Variants in PAK2 observed in about 807,000 individuals in gnomAD.
PAK2 encodes the protein p21 (RAC1) activated kinase 2.
In PAK2, 21 loss-of-function variants were observed where a neutral mutation model predicts 65.9. That is an observed-to-expected ratio of 0.32 (90% CI 0.23 to 0.46). PAK2 has a LOEUF of 0.46. Among genes scored for constraint, PAK2 ranks in the 20% least tolerant of loss-of-function variants. The pLI, the probability that PAK2 is intolerant of heterozygous loss-of-function variation, is 1.00. For missense variants in PAK2, 324 were observed against 642.6 expected (o/e 0.50, Z 5.36); for synonymous variants, 204 against 219.7 (o/e 0.93, Z 0.63).
chr3:196,782,784 G>T lies in PAK2; in HGVS notation c.138G>T (p.Glu46Asp). Residue 46 changes from glutamate to aspartate, a missense_variant, in exon 2 of 15, where the codon GAG becomes GAT. Glu to Asp is a conservative substitution (Grantham distance 45). Coordinates refer to ENST00000327134, the MANE Select transcript of PAK2 (RefSeq NM_002577.4). ...AACCTTTGCCCTCTGTTCCAGAAGA[G>T]AAAAAGCCCAGGCATAAAATCATCT... ...SLKPLPSVPEEKKPRHKIISI... is the reference protein window; with the variant it reads ...SLKPLPSVPEDKKPRHKIISI... 1.2e-6 allele frequency: 2 copies of T among 1,613,500 alleles called. No individual in the cohort carries two copies. Among genetic ancestry groups the T allele is most frequent in the Non-Finnish European group, 1.7e-6 (2 of 1,179,774 alleles).
intron 1 of PAK2, among the ~76,000 whole-genome samples, chr3:196,761,698 G>A (rs1305878200): frequency 5.6e-5 from 8 of 142,604 alleles, no homozygotes; most frequent in Admixed American, 1.4e-4. Flanking sequence ...GGTGGTGGCC[G>A]GGCAGAGGGG....
chr3:196,782,905 T>A, intron 2 of PAK2, 72 bp downstream of exon 2: 1 of 986,946 alleles, frequency 1.0e-6, no homozygotes, highest in South Asian at 1.6e-5. Context: ...TTGATAACTT[T>A]TATGGTGAGA....
chr3:196,769,099 G>A (rs2108728186), intron 1 of PAK2, among the ~76,000 whole-genome samples: 1 of 152,172 alleles, frequency 6.6e-6, no homozygotes, highest in South Asian at 2.1e-4. Flanking sequence ...GGCCAAGGAG[G>A]ATGGATCAGT....
intron 1 of PAK2, among the ~76,000 whole-genome samples, chr3:196,751,459 C>T (rs1490374231): frequency 6.6e-6 from 1 of 151,366 alleles, no homozygotes; most frequent in Non-Finnish European, 1.5e-5. Context: ...ACCAGCCTGG[C>T]CAACATGCTA....
intron 2 of PAK2, 50 bp downstream of exon 2, chr3:196,782,883 A>G (rs368922897): frequency 8.3e-7 from 1 of 1,206,240 alleles, no homozygotes; most frequent in Non-Finnish European, 1.2e-6. Context: ...TTATTATTGT[A>G]TGTTACCCAT....
chr3:196,766,007 C>G lies in PAK2; in HGVS notation c.-21-16619C>G, dbSNP rs145984372. 1.2e-4 allele frequency among the ~76,000 whole-genome samples: 18 copies of G among 151,598 alleles called. 1 individual carries two copies. The highest frequency in any genetic ancestry group is 6.2e-4 in the South Asian group (3 of 4,808). On this transcript the variant is annotated intron_variant, in intron 1 of 14. Coordinates refer to ENST00000327134, the MANE Select transcript of PAK2 (RefSeq NM_002577.4). ...CTCCACCTCCCGGGGTCAAGCGATT[C>G]TACCTCAGTCTCCTGAGTAGCTGGG... is the stretch of plus-strand genomic sequence containing the variant.
intron 1 of PAK2, among the ~76,000 whole-genome samples, chr3:196,755,442 C>G (rs1713736024): frequency 6.9e-6 from 1 of 145,268 alleles, no homozygotes; most frequent in Admixed American, 7.2e-5. Flanking sequence ...AGTGTTTACG[C>G]ATTTCTTCTT....
rs1715865067 is a variant in PAK2 at position 196,812,614 on chromosome 3, G to A, written c.823-125G>A. 4.3e-5 allele frequency: 26 copies of A among 602,388 alleles called. No homozygotes were observed. The South Asian group carries it at 4.8e-4, about 11-fold the overall frequency. The allele number at this position is 602,388 out of a possible 1,614,324, so 37.3% of individuals were successfully genotyped here. The stretch of plus-strand genomic sequence containing the variant: ...GCACAGGCAGTGTGCAAGGCAAGGT[G>A]CCACCTGGGAGTAATAGCATGGTGT... On this transcript the variant is annotated intron_variant, in intron 9 of 14. Coordinates refer to ENST00000327134, the MANE Select transcript of PAK2 (RefSeq NM_002577.4).
chr3:196,747,704 G>A (rs982412962), intron 1 of PAK2, among the ~76,000 whole-genome samples: 13 of 152,194 alleles, frequency 8.5e-5, no homozygotes, highest in African/African-American at 3.1e-4. Context: ...AAGATTATTT[G>A]TATGAATTAC....
chr3:196,756,164 C>T (rs532492755), intron 1 of PAK2, among the ~76,000 whole-genome samples: 7 of 152,262 alleles, frequency 4.6e-5, no homozygotes, highest in Middle Eastern at 3.4e-3. Flanking sequence ...ACTTCCTTTA[C>T]GCTTTGTCAT....
At chr3:196,795,429 T>C (rs1715226401) in intron 2 of PAK2, among the ~76,000 whole-genome samples, 1 of 152,084 alleles carries the variant, frequency 6.6e-6, no homozygotes, top group Non-Finnish European at 1.5e-5. Flanking sequence ...ATCGCACCAC[T>C]GCACTCCGGC....
At chr3:196,806,534 A>C in intron 5 of PAK2, 45 bp from the exon 6 acceptor site, 1 of 1,164,836 alleles carries the variant, frequency 8.6e-7, no homozygotes, top group Non-Finnish European at 1.3e-6. Flanking sequence ...GTCGCATTTA[A>C]GCCTATTGGA....
chr3:196,818,417 G>T (rs1299688713), intron 12 of PAK2, among the ~76,000 whole-genome samples: 1 of 152,056 alleles, frequency 6.6e-6, no homozygotes, highest in African/African-American at 2.4e-5. Context: ...TGAGATGGAG[G>T]TTTGCTCTTG....
At chr3:196,786,130 G>A (rs1236721464) in intron 2 of PAK2, among the ~76,000 whole-genome samples, 1 of 150,938 alleles carries the variant, frequency 6.6e-6, no homozygotes, top group Non-Finnish European at 1.5e-5. Context: ...ATGAATAGAA[G>A]TTATTAATTT....
intron 1 of PAK2, among the ~76,000 whole-genome samples, chr3:196,778,729 A>G (rs570519525): frequency 6.6e-6 from 1 of 152,238 alleles, no homozygotes; most frequent in South Asian, 2.1e-4. Context: ...CGTTGCGTTT[A>G]TGGTTGTGTC....
At position 196,791,607 on chromosome 3, in the gene PAK2, T is replaced by A. The variant is rs1191289828; in HGVS notation, c.187+8774T>A. Among the ~76,000 whole-genome samples, 1 of 152,210 alleles carries A rather than the reference T, an allele frequency of 6.6e-6. No homozygotes were observed. The highest frequency in any genetic ancestry group is 1.5e-5 in the Non-Finnish European group (1 of 68,050). On this transcript the variant is annotated intron_variant, in intron 2 of 14. Transcript: ENST00000327134. This position sits in a 1 kb window ranked among gnomAD's most constrained non-coding sequence, Gnocchi z 4.0. ...TTATTTTATATTTCTTATTTCAGAA[T>A]GTTTTTTCTTTATGTGTTAAGAAAT... is the stretch of plus-strand genomic sequence containing the variant.
intron 9 of PAK2, among the ~76,000 whole-genome samples, chr3:196,812,507 C>A (rs1230702402): frequency 2.0e-5 from 3 of 152,076 alleles, no homozygotes; most frequent in Non-Finnish European, 4.4e-5. Flanking sequence ...AGGATTAATT[C>A]TTAGTATTGG....
chr3:196,747,400 C>T (rs1266351513), intron 1 of PAK2: 3 of 152,180 alleles, frequency 2.0e-5, no homozygotes, highest in Non-Finnish European at 4.4e-5. Context: ...GTTGGCTGCA[C>T]ATTCTAATTT....
rs9829114 is a variant in PAK2, at chr3:196,791,752, G to A, written c.187+8919G>A. ...ATCCTGGCTAACAAGGTGAAACCCCGTCTCTACTAAAAATACAAAAAGTTA... is the reference window on the plus strand; with the variant it reads ...ATCCTGGCTAACAAGGTGAAACCCCATCTCTACTAAAAATACAAAAAGTTA... On this transcript the variant is annotated intron_variant, in intron 2 of 14. Transcript: ENST00000327134. This position sits in a 1 kb window ranked among gnomAD's most constrained non-coding sequence, Gnocchi z 4.0. 0.33 allele frequency among the ~76,000 whole-genome samples: 49,724 copies of A among 151,632 alleles called. 8,805 individuals are homozygous for A. Among genetic ancestry groups the A allele is most frequent in the Non-Finnish European group, 0.4 (27,418 of 67,858 alleles).
Sources: gnomAD v4.1 joint callset for allele counts (sites outside exome capture counted in the v4.1 genomes callset) on GRCh38, gnomAD v4.1.1 for gene constraint, Gnocchi (gnomAD v3.1) non-coding constraint, MANE v1.5 for transcripts, NCBI Gene and HGNC (gene_info 2026-07-23, HGNC 2026-07-21) for gene names.